CNTN5: variants seen among roughly 807,000 people sequenced by gnomAD.
CNTN5 encodes contactin 5, also known as contactin-5.
Under a neutral mutation model 129.1 loss-of-function variants are expected in CNTN5, and 77 were observed. That is an observed-to-expected ratio of 0.60 (90% CI 0.50 to 0.72). CNTN5 has a LOEUF of 0.72. CNTN5 is among the 30% of genes least tolerant of loss of function. The pLI is 0.00. For synonymous variants in CNTN5, 509 were observed against 465.6 expected, an observed-to-expected ratio of 1.09 and a Z score of -1.20; for missense variants, 1,478 against 1,328.8, an observed-to-expected ratio of 1.11 and a Z score of -1.75.
At chr11:99,156,992 T>C (rs1860368389) in intron 1 of CNTN5, among the ~76,000 whole-genome samples, 1 of 152,068 alleles carries the variant, frequency 6.6e-6, no homozygotes, top group Admixed American at 6.5e-5. Context: ...AAGTTATTCT[T>C]CACTACTTTT....
chr11:99,072,228 TCC>T (rs1334909622), intron 1 of CNTN5, among the ~76,000 whole-genome samples: 1 of 152,000 alleles, frequency 6.6e-6, no homozygotes, highest in African/African-American at 2.4e-5. Context: ...ATGCTCGTTT[TCC>T]AGAACTCAAG....
intron 7 of CNTN5, among the ~76,000 whole-genome samples, chr11:99,928,079 C>T (rs371853101): frequency 6.6e-6 from 1 of 152,140 alleles, no homozygotes; most frequent in Admixed American, 6.6e-5. Flanking sequence ...GTGGGACAGT[C>T]AAATCTTAAA....
chr11:100,194,114 C>CA (rs1948573280), intron 15 of CNTN5, among the ~76,000 whole-genome samples: 1 of 151,942 alleles, frequency 6.6e-6, no homozygotes, highest in South Asian at 2.1e-4. Flanking sequence ...GTCATAAATG[C>CA]ACATTAGCCT....
rs1487405215 is a variant in CNTN5, at chr11:99,441,790, C to T, written c.-70-114355C>T. On this transcript the variant is annotated intron_variant, in intron 2 of 24. Transcript: ENST00000524871. Reference sequence around the variant, plus strand: ...AGTTTGGTAATCTTACAGCTTGGCTCAGAACTCTTTTTTTTTAAATGCATT... The same window carrying T: ...AGTTTGGTAATCTTACAGCTTGGCTTAGAACTCTTTTTTTTTAAATGCATT... Among the ~76,000 whole-genome samples the T allele has an allele frequency of 3.3e-5, 5 of 152,112 alleles. No individual in the cohort carries two copies. In the East Asian group the frequency reaches 7.7e-4, roughly 23 times the overall value.
chr11:99,648,982 A>G (rs1454266167), intron 3 of CNTN5, among the ~76,000 whole-genome samples: 1 of 151,798 alleles, frequency 6.6e-6, no homozygotes, highest in African/African-American at 2.4e-5. Flanking sequence ...AATAAGTTAT[A>G]GTATTCTATA....
chr11:99,087,832 A>T (rs1489610331), intron 1 of CNTN5, among the ~76,000 whole-genome samples: 2 of 152,254 alleles, frequency 1.3e-5, no homozygotes, highest in Middle Eastern at 3.4e-3. Flanking sequence ...AAAGTAAATA[A>T]ATTTTATTTT....
intron 3 of CNTN5, among the ~76,000 whole-genome samples, chr11:99,775,913 A>G (rs1945108184): frequency 6.6e-6 from 1 of 152,090 alleles, no homozygotes; most frequent in Admixed American, 6.6e-5. Flanking sequence ...TAAAGACATT[A>G]GAATATGTGT....
intron 16 of CNTN5, among the ~76,000 whole-genome samples, chr11:100,245,245 A>T (rs1949817853): frequency 6.6e-6 from 1 of 152,188 alleles, no homozygotes; most frequent in Non-Finnish European, 1.5e-5. Flanking sequence ...GACTTCCAGG[A>T]ATAACAGAGG....
chr11:99,663,540 T>C (rs655610), intron 3 of CNTN5, among the ~76,000 whole-genome samples: 69,396 of 152,038 alleles, frequency 0.46, 16,645 homozygotes, highest in Middle Eastern at 0.59. Flanking sequence ...ATGGTTGATA[T>C]GGTTTGACTT....
At chr11:99,511,020 G>A (rs1210393246) in intron 2 of CNTN5, among the ~76,000 whole-genome samples, 1 of 152,028 alleles carries the variant, frequency 6.6e-6, no homozygotes, top group Non-Finnish European at 1.5e-5. Flanking sequence ...CCCTTTGCAG[G>A]CCTCGGCTGA....
intron 6 of CNTN5, among the ~76,000 whole-genome samples, chr11:99,903,830 C>A (rs1422221935): frequency 1.3e-5 from 2 of 152,030 alleles, no homozygotes; most frequent in Non-Finnish European, 2.9e-5. Context: ...AGCAGAAAAA[C>A]AAATAATCTG....
chr11:100,126,755 A>G (rs1236600664), intron 13 of CNTN5, among the ~76,000 whole-genome samples: 2 of 152,032 alleles, frequency 1.3e-5, no homozygotes, highest in Non-Finnish European at 2.9e-5. Context: ...TAAGTCTTTT[A>G]AGTGGGTTGT....
intron 5 of CNTN5, 36 bp from the exon 6 acceptor site, chr11:99,845,050 AG>A (rs1235877398): frequency 6.2e-7 from 1 of 1,609,760 alleles, no homozygotes; most frequent in South Asian, 1.1e-5. Context: ...ACTCTCAGGG[AG>A]GATTATACAT....
At chr11:100,043,764 A>C (rs1392688684) in intron 9 of CNTN5, among the ~76,000 whole-genome samples, 1 of 152,128 alleles carries the variant, frequency 6.6e-6, no homozygotes, top group African/African-American at 2.4e-5. Flanking sequence ...CTTCCTGTCT[A>C]ACATAAATAG....
At chr11:99,210,412 A>G (rs1225537351) in intron 1 of CNTN5, among the ~76,000 whole-genome samples, 1 of 152,038 alleles carries the variant, frequency 6.6e-6, no homozygotes, top group African/African-American at 2.4e-5. Flanking sequence ...ATATCACTTC[A>G]TATGTTCCAG....
chr11:99,635,266 G>A (rs549247653), intron 3 of CNTN5, among the ~76,000 whole-genome samples: 1 of 152,186 alleles, frequency 6.6e-6, no homozygotes, highest in South Asian at 2.1e-4. Flanking sequence ...TTGCAAACTT[G>A]GGAGATCAGC....
intron 15 of CNTN5, among the ~76,000 whole-genome samples, chr11:100,224,057 T>A (rs1470258954): frequency 1.3e-5 from 2 of 152,168 alleles, no homozygotes; most frequent in African/African-American, 4.8e-5. Flanking sequence ...CCAACAAGAA[T>A]CAGGTATTTG....
intron 1 of CNTN5, among the ~76,000 whole-genome samples, chr11:99,022,809 A>G (rs1383369985): frequency 6.6e-6 from 1 of 152,172 alleles, no homozygotes; most frequent in Non-Finnish European, 1.5e-5. Context: ...AGTCAGTGAA[A>G]TGATTATTAC....
intron 13 of CNTN5, among the ~76,000 whole-genome samples, chr11:100,149,119 A>T (rs1019631455): frequency 6.6e-6 from 1 of 152,204 alleles, no homozygotes; most frequent in African/African-American, 2.4e-5. Flanking sequence ...TGACATGTGA[A>T]GCTGCTGGCT....
Sources: allele counts gnomAD v4.1 joint callset (sites outside exome capture counted in the v4.1 genomes callset), GRCh38; gene constraint gnomAD v4.1.1; transcripts MANE v1.5; gene names NCBI Gene and HGNC (gene_info 2026-07-23, HGNC 2026-07-21).